Variants in GOLGA3 observed in about 807,000 individuals in gnomAD.
GOLGA3 encodes golgin subfamily A member 3.
GOLGA3 carries 75 observed loss-of-function variants against 169.4 expected under a neutral mutation model. That is an observed-to-expected ratio of 0.44 (90% CI 0.37 to 0.54). GOLGA3 has a LOEUF of 0.54. GOLGA3 is among the 20% of genes least tolerant of loss of function. The pLI, the probability that GOLGA3 is intolerant of heterozygous loss-of-function variation, is 0.00. For missense variants in GOLGA3, 1,899 were observed against 1,930.0 expected, an observed-to-expected ratio of 0.98 and a Z score of 0.30; for synonymous variants, 824 against 822.4, an observed-to-expected ratio of 1.00 and a Z score of -0.03.
intron 18 of GOLGA3, among the ~76,000 whole-genome samples, chr12:132,779,526 C>T (rs1004529430): frequency 5.3e-5 from 8 of 152,192 alleles, no homozygotes; most frequent in African/African-American, 1.4e-4. Context: ...GTCATAGGAA[C>T]GAAAGCAGCT....
intron 18 of GOLGA3, among the ~76,000 whole-genome samples, chr12:132,779,812 T>C (rs566850661): frequency 7.8e-4 from 79 of 101,560 alleles, no homozygotes; most frequent in South Asian, 2.2e-3. Flanking sequence ...CACACACGTG[T>C]GTGCACACAC....
rs569897220 is a variant in GOLGA3 at position 132,804,577 on chromosome 12, G to T, written c.1597+139C>A. On this transcript the variant is annotated intron_variant, in intron 7 of 23. Coordinates refer to ENST00000450791, the MANE Select transcript of GOLGA3 (RefSeq NM_001389683.1). The surrounding 1 kb of genome is among the most constrained non-coding windows in gnomAD (Gnocchi z 4.1). ...CAGTCGAGGAAGGAGGGAGCAGCGGGGACCAGTCGAGGAAGGAGGAGGGAG... is the reference window on the plus strand; with the variant it reads ...CAGTCGAGGAAGGAGGGAGCAGCGGTGACCAGTCGAGGAAGGAGGAGGGAG... 56 of 693,448 alleles carry T rather than the reference G, an allele frequency of 8.1e-5. No homozygotes were observed. The South Asian group carries it at 9.7e-4, about 12-fold the overall frequency. The allele number at this position is 693,448 out of a possible 1,614,324, so 43.0% of individuals were successfully genotyped here.
intron 4 of GOLGA3, among the ~76,000 whole-genome samples, chr12:132,810,953 G>A (rs1949674151): frequency 6.6e-6 from 1 of 152,216 alleles, no homozygotes; most frequent in African/African-American, 2.4e-5. Flanking sequence ...CAAAATTAGT[G>A]AAAGTACTAA....
chr12:132,790,684 T>A (rs1250534305), intron 12 of GOLGA3, among the ~76,000 whole-genome samples: 1 of 151,614 alleles, frequency 6.6e-6, no homozygotes, highest in African/African-American at 2.4e-5. Flanking sequence ...CCCCTGGAGA[T>A]CTGAGGGGCC....
chr12:132,773,284 C>T lies in GOLGA3; in HGVS notation c.4318G>A (p.Asp1440Asn). 7.0e-7 allele frequency: 1 copy of T among 1,418,758 alleles called. No homozygotes were observed. The highest frequency in any genetic ancestry group is 9.3e-7 in the Non-Finnish European group (1 of 1,072,998). The allele number at this position is 1,418,758 out of a possible 1,614,324, so 87.9% of individuals were successfully genotyped here. Residue 1440 changes from aspartate (D) to asparagine (N), a missense_variant, in exon 24 of 24, where the codon GAC (aspartate) becomes AAC (asparagine). By Grantham distance (23) the Asp-to-Asn change is conservative. Coordinates refer to ENST00000450791, the MANE Select transcript of GOLGA3 (RefSeq NM_001389683.1). The stretch of plus-strand genomic sequence containing the variant: ...TCCTCCATCTGGCGCTGCAGGCTGT[C>T]CATCTCCTGCCTGGGACAGAAGAAG... ...SCLQQLKQEM[D>N]SLQRQMEEHA...
At position 132,771,825 on chromosome 12, in the gene GOLGA3, C is replaced by G. The variant is rs1322635284; in HGVS notation, c.*1280G>C. The G allele has an allele frequency of 6.6e-6, 1 of 152,280 alleles. No homozygotes were observed. Among genetic ancestry groups the G allele is most frequent in the African/African-American group, 2.4e-5 (1 of 41,440 alleles). The allele number at this position is 152,280 out of a possible 1,614,324, so 9.4% of individuals were successfully genotyped here. A position where few individuals can be genotyped will look rare whatever the true frequency, so the allele number is the denominator to read the frequency against. ...ACTCCAGGGGAAACCGCGGGAGTCG[C>G]TGCAGGGAGCCCCTGGTCTGCTCTC... On this transcript the variant is annotated 3_prime_UTR_variant, in exon 24 of 24. Coordinates refer to ENST00000450791, the MANE Select transcript of GOLGA3 (RefSeq NM_001389683.1).
chr12:132,821,841 G>C (rs534183973), intron 2 of GOLGA3, among the ~76,000 whole-genome samples, 155 bp downstream of exon 2: 3 of 125,388 alleles, frequency 2.4e-5, no homozygotes, highest in East Asian at 2.5e-4. Context: ...GCGAAAGAGC[G>C]AGACTCCGTC....
rs1473799648 is a variant in GOLGA3, at chr12:132,804,863, T to A, written c.1450A>T (p.Met484Leu). 5.6e-6 allele frequency: 9 copies of A among 1,614,154 alleles called. No homozygotes were observed. Among genetic ancestry groups the A allele is most frequent in the Non-Finnish European group, 7.6e-6 (9 of 1,180,028 alleles). The change falls in exon 7 of 24, where the codon ATG becomes TTG. Residue 484 changes from methionine to leucine, a missense_variant. Physicochemically the swap from Met to Leu is conservative, Grantham distance 15 (BLOSUM62 2). Transcript: ENST00000450791. This position sits in a 1 kb window ranked among gnomAD's most constrained non-coding sequence, Gnocchi z 4.1. ...TCCAGCATGTTCTGCAGGTCAGTCA[T>A]GGCTCGCTCCAGGTCCCAGCACGAC... Reference protein sequence around the residue: ...KQSCWDLERAMTDLQNMLEAK... With the variant: ...KQSCWDLERALTDLQNMLEAK...
At position 132,780,817 on chromosome 12, in the gene GOLGA3, ACCTTCT is replaced by A. The variant is rs747702149; in HGVS notation, c.3557_3562del (p.Glu1186_Lys1187del). The A allele has an allele frequency of 8.7e-6, 14 of 1,608,906 alleles. No homozygotes were observed. The highest frequency in any genetic ancestry group is 3.3e-5 in the Admixed American group (2 of 59,994). On this transcript the variant is annotated inframe_deletion, in exon 18 of 24. Transcript: ENST00000450791. ...ACGCACCTGCTCCTTGAGGCTGTTC[ACCTTCT>A]CCTTCTCCTTCTCTAGTGAGGCCTG...
Position 132,777,078 on chromosome 12 carries a change from C to A in GOLGA3, c.3735G>T (p.Gly1245=). The change falls in exon 20 of 24, where the codon GGG becomes GGT. Residue 1245 remains glycine, a synonymous_variant. Transcript: ENST00000450791. This position sits in a 1 kb window ranked among gnomAD's most constrained non-coding sequence, Gnocchi z 4.7. ...ACTGTGCTATCTCCTGGGAATGTTTCCCCTCCCGAATCCTAGCGTAAAAAA... is the reference window on the plus strand; with the variant it reads ...ACTGTGCTATCTCCTGGGAATGTTTACCCTCCCGAATCCTAGCGTAAAAAA... The part of the protein sequence containing the change: ...AEADDLQIRE[G]KHSQEIAQFQ... 1.3e-6 allele frequency: 2 copies of A among 1,595,692 alleles called. No individual in the cohort carries two copies. Among genetic ancestry groups the A allele is most frequent in the Non-Finnish European group, 8.5e-7 (1 of 1,172,490 alleles).
intron 7 of GOLGA3, among the ~76,000 whole-genome samples, chr12:132,802,355 A>G (rs1241470762): frequency 1.6e-5 from 2 of 124,092 alleles, no homozygotes; most frequent in Non-Finnish European, 3.1e-5. Context: ...AGGAAATAAC[A>G]GTGGCCGGAC....
chr12:132,828,988 C>T (rs1216345512), upstream of GOLGA3: 1 of 152,330 alleles, frequency 6.6e-6, no homozygotes, highest in Non-Finnish European at 1.5e-5. Context: ...GGCCGGGGAC[C>T]CTCTGCCCAC....
rs779560175 is a variant in GOLGA3 at position 132,807,215 on chromosome 12, C to T, written c.1252G>A (p.Glu418Lys). The change falls in exon 6 of 24, where the codon GAA becomes AAA. Residue 418 changes from glutamate to lysine, a missense_variant. Coordinates refer to ENST00000450791, the MANE Select transcript of GOLGA3 (RefSeq NM_001389683.1). ...LQVLKEKMRL[E>K]GQLEALSLEA... is the part of the protein sequence containing the mutation. ...AGTGACAAGGCTTCCAGCTGTCCTT[C>T]GAGTCGCATTTTCTCTTTGAGCACC... is the stretch of plus-strand genomic sequence containing the variant. 26 of 1,606,330 alleles carry T rather than the reference C, an allele frequency of 1.6e-5. No individual in the cohort carries two copies. Among genetic ancestry groups the T allele is most frequent in the East Asian group, 2.2e-5 (1 of 44,736 alleles).
Position 132,787,706 on chromosome 12 carries a change from C to A in GOLGA3, c.2812-919G>T, listed in dbSNP as rs564905103. On this transcript the variant is annotated intron_variant, in intron 13 of 23. Coordinates refer to ENST00000450791, the MANE Select transcript of GOLGA3 (RefSeq NM_001389683.1). ...ACCCCGGGACCCCTCCCCGGAGACCCCGGGACCCCTCCCCGGAGACCCCGG... is the reference window on the plus strand; with the variant it reads ...ACCCCGGGACCCCTCCCCGGAGACCACGGGACCCCTCCCCGGAGACCCCGG... Among the ~76,000 whole-genome samples, 257 of 62,888 alleles carry A rather than the reference C, an allele frequency of 4.1e-3. 67 individuals carry two copies. In the East Asian group the frequency reaches 0.064, roughly 16 times the overall value. 41.3% of individuals were successfully genotyped at this position (62,888 alleles called of 152,430 possible).
Position 132,773,177 on chromosome 12 carries a change from A to G in GOLGA3, c.4425T>C (p.Gly1475=), listed in dbSNP as rs765823558. ...GTGGGTCGCCGCGTGGGCCGGCGTG[A>G]CCCCCCGGGGGCACAGGGCTGGCAG... ...PATASPVPPG[G]HAGPRGDPQR... The change falls in exon 24 of 24, where the codon GGT becomes GGC. Residue 1475 remains glycine, a synonymous_variant. Coordinates refer to ENST00000450791, the MANE Select transcript of GOLGA3 (RefSeq NM_001389683.1). 43 of 1,583,632 alleles carry G rather than the reference A, an allele frequency of 2.7e-5. No homozygotes were observed. The highest frequency in any genetic ancestry group is 1.8e-5 in the Non-Finnish European group (21 of 1,164,472).
In GOLGA3 at chr12:132,780,874, T is replaced by C. The variant is rs963722036; in HGVS notation, c.3506A>G (p.Gln1169Arg). The C allele has an allele frequency of 6.2e-7, 1 of 1,612,396 alleles. No homozygotes were observed. Among genetic ancestry groups the C allele is most frequent in the Non-Finnish European group, 8.5e-7 (1 of 1,180,018 alleles). Residue 1169 changes from glutamine to arginine, a missense_variant, in exon 18 of 24, where the codon CAG (glutamine) becomes CGG (arginine). Physicochemically the swap from Gln to Arg is conservative, Grantham distance 43. Coordinates refer to ENST00000450791, the MANE Select transcript of GOLGA3 (RefSeq NM_001389683.1). ...VLQRKEEEDR[Q>R]MKHLVQALQA... Reference sequence around the variant, plus strand: ...CAGGGCCTGGACAAGATGCTTCATCTGGCGATCCTCCTCTTCTTTGCGCTG... The same window carrying C: ...CAGGGCCTGGACAAGATGCTTCATCCGGCGATCCTCCTCTTCTTTGCGCTG...
At position 132,773,034 on chromosome 12, in the gene GOLGA3, C is replaced by A. The variant is rs3741483; in HGVS notation, c.*71G>T. ...TTTCATGTCTTAGAAAAACATCGAC[C>A]ACACAATCAAATAAATAACATTGAT... On this transcript the variant is annotated 3_prime_UTR_variant, in exon 24 of 24. Coordinates refer to ENST00000450791, the MANE Select transcript of GOLGA3 (RefSeq NM_001389683.1). 1.2e-5 allele frequency: 13 copies of A among 1,116,442 alleles called. No homozygotes were observed. The highest frequency in any genetic ancestry group is 2.1e-4 in the Middle Eastern group (1 of 4,796). 69.2% of individuals were successfully genotyped at this position (1,116,442 alleles called of 1,614,324 possible). A position where few individuals can be genotyped will look rare whatever the true frequency, so the allele number is the denominator to read the frequency against.
intron 22 of GOLGA3, 132 bp from the exon 23 acceptor site, chr12:132,774,452 C>T (rs1012022786): frequency 2.9e-5 from 28 of 970,446 alleles, no homozygotes; most frequent in South Asian, 4.5e-5. Context: ...CCGTCCTGGC[C>T]GCCGTGGCAG....
chr12:132,828,717 C>G (rs1454917804), intron 1 of GOLGA3, 86 bp downstream of exon 1: 1 of 152,858 alleles, frequency 6.5e-6, no homozygotes, highest in Non-Finnish European at 1.5e-5. Context: ...CGCCGCCCCT[C>G]GAGCCTCCCC....
Sources: allele counts gnomAD v4.1 joint callset (sites outside exome capture counted in the v4.1 genomes callset), GRCh38; gene constraint gnomAD v4.1.1; non-coding constraint Gnocchi (gnomAD v3.1); transcripts MANE v1.5; gene names NCBI Gene and HGNC (gene_info 2026-07-23, HGNC 2026-07-21).